The following IQSEC1 variants were observed in gnomAD, a reference collection of about 807,000 sequenced individuals.
IQSEC1 encodes IQ motif and Sec7 domain ArfGEF 1.
A neutral mutation model predicts 91.0 loss-of-function variants in IQSEC1; 31 were observed. That is an observed-to-expected ratio of 0.34 (90% CI 0.26 to 0.46). The LOEUF is 0.46. Ranked by LOEUF, IQSEC1 falls within the 20% of genes least tolerant of loss-of-function variation. The pLI is 1.00. For missense variants in IQSEC1, 1,388 were observed against 1,575.6 expected, an observed-to-expected ratio of 0.88 and a Z score of 2.02; for synonymous variants, 699 against 662.6, an observed-to-expected ratio of 1.05 and a Z score of -0.84.
chr3:13,155,821 C>G (rs1173067307), intron 2 of IQSEC1, among the ~76,000 whole-genome samples: 1 of 152,172 alleles, frequency 6.6e-6, no homozygotes, highest in Non-Finnish European at 1.5e-5. Flanking sequence ...CATCCAAAAA[C>G]TGTTCACTGT....
At chr3:13,165,168 A>G (rs1250394387) in intron 1 of IQSEC1, among the ~76,000 whole-genome samples, 2 of 152,208 alleles carry the variant, frequency 1.3e-5, no homozygotes, top group East Asian at 1.9e-4. Context: ...TGTGTGCTCC[A>G]GGTGCCTGAG....
chr3:12,942,811 G>GGTGTCT (rs1698877945), intron 1 of IQSEC1, among the ~76,000 whole-genome samples: 1 of 152,300 alleles, frequency 6.6e-6, no homozygotes, highest in East Asian at 1.9e-4. Context: ...CAGCCTGACT[G>GGTGTCT]GTGTCTTTGT....
At chr3:13,252,434 G>A (rs1695210379) in intron 1 of IQSEC1, among the ~76,000 whole-genome samples, 2 of 152,168 alleles carry the variant, frequency 1.3e-5, no homozygotes, top group South Asian at 2.1e-4. Flanking sequence ...TTTGTGAATC[G>A]GTTTATCTGT....
At chr3:13,096,074 T>C (rs1173993299) in intron 2 of IQSEC1, among the ~76,000 whole-genome samples, 2 of 152,170 alleles carry the variant, frequency 1.3e-5, no homozygotes, top group African/African-American at 4.8e-5. Context: ...TGGGCTGCTA[T>C]GAGGCAGAGA....
chr3:13,104,254 T>C (rs1451555915), intron 2 of IQSEC1, among the ~76,000 whole-genome samples: 4 of 152,142 alleles, frequency 2.6e-5, no homozygotes, highest in Non-Finnish European at 5.9e-5. Flanking sequence ...AACAACCTAG[T>C]TGACCAGTCT....
chr3:13,150,017 G>C (rs1034915860), intron 2 of IQSEC1, among the ~76,000 whole-genome samples: 5 of 152,210 alleles, frequency 3.3e-5, no homozygotes, highest in African/African-American at 1.2e-4. Context: ...TCTAGAGGGA[G>C]AGTGGGAGGA....
At chr3:13,249,874 C>T (rs1321685655) in intron 1 of IQSEC1, among the ~76,000 whole-genome samples, 1 of 152,224 alleles carries the variant, frequency 6.6e-6, no homozygotes, top group Non-Finnish European at 1.5e-5. Flanking sequence ...GTGAAGACCC[C>T]CACAGGTTTC....
At chr3:13,069,820 A>T (rs1467896846) in intron 1 of IQSEC1, among the ~76,000 whole-genome samples, 2 of 152,242 alleles carry the variant, frequency 1.3e-5, no homozygotes, top group African/African-American at 4.8e-5. Context: ...TCATTCAGAC[A>T]CCATTCATGA....
chr3:13,001,467 G>A (rs1462439283), intron 1 of IQSEC1, among the ~76,000 whole-genome samples: 5 of 152,148 alleles, frequency 3.3e-5, no homozygotes, highest in Non-Finnish European at 7.3e-5. Flanking sequence ...CCACCTTTTA[G>A]AAACACTGCA....
chr3:12,901,963 G>C (rs1439028548), intron 13 of IQSEC1, among the ~76,000 whole-genome samples: 1 of 151,972 alleles, frequency 6.6e-6, no homozygotes, highest in Non-Finnish European at 1.5e-5. Context: ...GCTCTCCTGG[G>C]ACTGCTCAAC....
In IQSEC1 at chr3:12,898,715, A is replaced by G. The variant is rs1174236020; in HGVS notation, c.*2268T>C. 1 of 152,398 alleles carries G rather than the reference A, an allele frequency of 6.6e-6. No individual in the cohort carries two copies. Among genetic ancestry groups the G allele is most frequent in the African/African-American group, 2.4e-5 (1 of 41,476 alleles). The allele number at this position is 152,398 out of a possible 1,614,324, so 9.4% of individuals were successfully genotyped here. A position where few individuals can be genotyped will look rare whatever the true frequency, so the allele number is the denominator to read the frequency against. ...GGTGAGAAAAGCTGACATACTCAATATGTAATCGCTTTACTTCAACGATGT... is the reference window on the plus strand; with the variant it reads ...GGTGAGAAAAGCTGACATACTCAATGTGTAATCGCTTTACTTCAACGATGT... On this transcript the variant is annotated 3_prime_UTR_variant, in exon 14 of 14. Coordinates refer to ENST00000613206, the MANE Select transcript of IQSEC1 (RefSeq NM_001134382.3).
At chr3:13,213,979 C>T (rs998103765) in intron 1 of IQSEC1, among the ~76,000 whole-genome samples, 1 of 152,140 alleles carries the variant, frequency 6.6e-6, no homozygotes, top group African/African-American at 2.4e-5. Context: ...TCTCCCAACC[C>T]CAACCTGGAC....
intron 1 of IQSEC1, among the ~76,000 whole-genome samples, chr3:13,021,169 C>T (rs1271873320): frequency 6.6e-6 from 1 of 152,234 alleles, no homozygotes; most frequent in Non-Finnish European, 1.5e-5. Context: ...GTGTAGTTCC[C>T]CTTTACAGAT....
At chr3:13,254,722 C>A (rs1695256813) in intron 1 of IQSEC1, among the ~76,000 whole-genome samples, 1 of 152,228 alleles carries the variant, frequency 6.6e-6, no homozygotes, top group Non-Finnish European at 1.5e-5. Flanking sequence ...CAGGTTCTAC[C>A]ACTCTACTGC....
intron 1 of IQSEC1, 50 bp downstream of exon 1, chr3:13,072,942 G>C: frequency 1.3e-6 from 2 of 1,497,484 alleles, no homozygotes; most frequent in South Asian, 1.2e-5. Context: ...CAGCTCAGCC[G>C]GGCCCCTCTG....
At chr3:13,252,906 A>G (rs1695221927) in intron 1 of IQSEC1, among the ~76,000 whole-genome samples, 1 of 151,858 alleles carries the variant, frequency 6.6e-6, no homozygotes, top group African/African-American at 2.4e-5. Context: ...CCAATTTTTT[A>G]TATTTTTAGT....
At chr3:13,027,699 G>A (rs1703675196) in intron 1 of IQSEC1, among the ~76,000 whole-genome samples, 1 of 152,152 alleles carries the variant, frequency 6.6e-6, no homozygotes, top group Admixed American at 6.5e-5. Context: ...CGGTGACAGG[G>A]ACACAGGGAT....
intron 1 of IQSEC1, among the ~76,000 whole-genome samples, chr3:13,215,294 G>A (rs527656184): frequency 4.0e-5 from 6 of 151,408 alleles, no homozygotes; most frequent in Non-Finnish European, 8.8e-5. Flanking sequence ...CCACACGGCT[G>A]CCTGATGAAA....
At position 13,059,000 on chromosome 3, in the gene IQSEC1, C is replaced by T. The variant is rs534299960; in HGVS notation, c.23+13992G>A. ...GGTGGATGGGGGGGTAGTGCCCTCACCAGGGCATGAGAGTGGGGATGGTGC... is the reference window on the plus strand; with the variant it reads ...GGTGGATGGGGGGGTAGTGCCCTCATCAGGGCATGAGAGTGGGGATGGTGC... On this transcript the variant is annotated intron_variant, in intron 1 of 13. Coordinates refer to ENST00000613206, the MANE Select transcript of IQSEC1 (RefSeq NM_001134382.3). Among the ~76,000 whole-genome samples, 6 of 152,126 alleles carry T rather than the reference C, an allele frequency of 3.9e-5. No individual in the cohort carries two copies. In the South Asian group the frequency reaches 1.2e-3, roughly 32 times the overall value.
Sources: gnomAD v4.1 joint callset for allele counts (sites outside exome capture counted in the v4.1 genomes callset) on GRCh38, gnomAD v4.1.1 for gene constraint, MANE v1.5 for transcripts, NCBI Gene and HGNC (gene_info 2026-07-23, HGNC 2026-07-21) for gene names.